The following BANK1 variants were observed in gnomAD, a reference collection of about 807,000 sequenced individuals.
BANK1 encodes B-cell scaffold protein with ankyrin repeats.
A neutral mutation model predicts 94.5 loss-of-function variants in BANK1; 95 were observed. That is an observed-to-expected ratio of 1.00 (90% CI 0.85 to 1.19). The LOEUF (loss-of-function observed/expected upper bound fraction) is 1.19. BANK1 is among the 50% of genes most tolerant of loss of function. BANK1 has a pLI of 0.00. For synonymous variants in BANK1, 334 were observed against 308.4 expected (o/e 1.08, Z -0.87); for missense variants, 987 against 932.2 (o/e 1.06, Z -0.77).
intron 10 of BANK1, among the ~76,000 whole-genome samples, 174 bp downstream of exon 10, chr4:102,030,439 T>A (rs1727259573): frequency 6.6e-6 from 1 of 152,082 alleles, no homozygotes; most frequent in African/African-American, 2.4e-5. Context: ...AGAGTATTTT[T>A]TTATTATTAT....
intron 6 of BANK1, among the ~76,000 whole-genome samples, chr4:101,914,153 T>A (rs748067713): frequency 3.4e-4 from 52 of 152,142 alleles, no homozygotes; most frequent in Non-Finnish European, 5.6e-4. Flanking sequence ...GAATCAAGGC[T>A]CTAGAACTGC....
At chr4:102,031,687 T>C (rs974749257) in intron 10 of BANK1, among the ~76,000 whole-genome samples, 3 of 152,118 alleles carry the variant, frequency 2.0e-5, no homozygotes, top group African/African-American at 7.2e-5. Flanking sequence ...CCTAATTCTA[T>C]AAGAAAGATG....
intron 1 of BANK1, among the ~76,000 whole-genome samples, chr4:101,817,978 A>G (rs1286677301): frequency 3.9e-5 from 6 of 152,178 alleles, no homozygotes; most frequent in African/African-American, 1.4e-4. Flanking sequence ...AGAAAGACGG[A>G]TGATATTTCA....
Position 101,806,263 on chromosome 4 carries a change from C to T in BANK1, c.70+15313C>T, listed in dbSNP as rs149415092. ...AATATTTGTACATGCTTTAATGTTA[C>T]ATTTTCATGGCTATTTGGTGAGGTG... On this transcript the variant is annotated intron_variant, in intron 1 of 16. Transcript: ENST00000322953. Among the ~76,000 whole-genome samples the T allele has an allele frequency of 7.3e-3, 1,107 of 152,130 alleles. 12 individuals are homozygous for T. The highest frequency in any genetic ancestry group is 0.025 in the African/African-American group (1,058 of 41,528).
intron 3 of BANK1, among the ~76,000 whole-genome samples, chr4:101,859,320 G>A (rs181271309): frequency 1.2e-4 from 18 of 152,260 alleles, no homozygotes; most frequent in Admixed American, 1.0e-3. Context: ...TACATACAGG[G>A]ACTATTAGGG....
chr4:101,791,500 A>T (rs72684898), intron 1 of BANK1, among the ~76,000 whole-genome samples: 1 of 152,138 alleles, frequency 6.6e-6, no homozygotes, highest in African/African-American at 2.4e-5. Context: ...GGTCAAAGGA[A>T]AACGGTCAAC....
chr4:101,816,188 T>C (rs1216891890), intron 1 of BANK1, among the ~76,000 whole-genome samples: 2 of 152,220 alleles, frequency 1.3e-5, no homozygotes, highest in African/African-American at 4.8e-5. Flanking sequence ...GTTATGCAGG[T>C]ATAATTGCTC....
chr4:101,856,281 A>G (rs1727676821), intron 3 of BANK1, among the ~76,000 whole-genome samples: 2 of 152,166 alleles, frequency 1.3e-5, no homozygotes, highest in African/African-American at 4.8e-5. Flanking sequence ...GGAACAAAAA[A>G]ATGCTTTGAC....
intron 14 of BANK1, among the ~76,000 whole-genome samples, chr4:102,072,014 G>A (rs1310877776): frequency 6.6e-6 from 1 of 152,172 alleles, no homozygotes; most frequent in African/African-American, 2.4e-5. Flanking sequence ...AGTGTGTTTT[G>A]TAATTGGCCA....
At chr4:102,006,820 C>A (rs539057328) in intron 7 of BANK1, among the ~76,000 whole-genome samples, 25 of 151,128 alleles carry the variant, frequency 1.7e-4, no homozygotes, top group African/African-American at 4.1e-4. Flanking sequence ...ACTTGTTTAG[C>A]TAGTGCAGTT....
At chr4:101,817,360 G>A (rs1464998227) in intron 1 of BANK1, among the ~76,000 whole-genome samples, 1 of 152,158 alleles carries the variant, frequency 6.6e-6, no homozygotes, top group Non-Finnish European at 1.5e-5. Flanking sequence ...AAAAAGGAAT[G>A]CGATTATGTC....
At chr4:101,844,218 T>G (rs1229996840) in intron 2 of BANK1, among the ~76,000 whole-genome samples, 1 of 152,134 alleles carries the variant, frequency 6.6e-6, no homozygotes, top group Non-Finnish European at 1.5e-5. Context: ...TCTAATGAGG[T>G]GCAGTGCATC....
At chr4:101,893,308 T>A (rs979000769) in intron 5 of BANK1, among the ~76,000 whole-genome samples, 4 of 152,034 alleles carry the variant, frequency 2.6e-5, no homozygotes, top group Admixed American at 2.6e-4. Context: ...GAGTCTCAGA[T>A]CTGGAAGGAA....
chr4:102,016,342 G>A (rs1454589586), intron 7 of BANK1, among the ~76,000 whole-genome samples: 1 of 152,060 alleles, frequency 6.6e-6, no homozygotes, highest in Non-Finnish European at 1.5e-5. Flanking sequence ...GTATTTCCTG[G>A]TATAGTGTTT....
chr4:101,957,484 C>T (rs73834510), intron 7 of BANK1, among the ~76,000 whole-genome samples: 122 of 152,308 alleles, frequency 8.0e-4, no homozygotes, highest in African/African-American at 2.8e-3. Flanking sequence ...CGATTGAGTT[C>T]TCGTCTATGA....
At chr4:101,995,339 C>G (rs765501906) in intron 7 of BANK1, among the ~76,000 whole-genome samples, 1 of 152,150 alleles carries the variant, frequency 6.6e-6, no homozygotes, top group Non-Finnish European at 1.5e-5. Flanking sequence ...TTTATCCAGT[C>G]TATCATTAAT....
intron 7 of BANK1, among the ~76,000 whole-genome samples, chr4:102,020,519 T>C (rs1486583943): frequency 1.3e-5 from 2 of 152,096 alleles, no homozygotes; most frequent in African/African-American, 4.8e-5. Context: ...TGGATGACAT[T>C]AGTGTTTAAA....
At chr4:101,967,761 C>A (rs974233727) in intron 7 of BANK1, among the ~76,000 whole-genome samples, 1 of 151,528 alleles carries the variant, frequency 6.6e-6, no homozygotes, top group Non-Finnish European at 1.5e-5. Flanking sequence ...CAAGAAAGGA[C>A]CAATCTGAAG....
chr4:101,850,164 CATT>C (rs1256480802), intron 2 of BANK1, among the ~76,000 whole-genome samples: 1 of 152,182 alleles, frequency 6.6e-6, no homozygotes, highest in African/African-American at 2.4e-5. Flanking sequence ...TGTAAAAACT[CATT>C]AGAGTATAAA....
Sources: gnomAD v4.1 joint callset for allele counts (sites outside exome capture counted in the v4.1 genomes callset) on GRCh38, gnomAD v4.1.1 for gene constraint, MANE v1.5 for transcripts, NCBI Gene and HGNC (gene_info 2026-07-23, HGNC 2026-07-21) for gene names.